The following PDE4D variants were observed in gnomAD, a reference collection of about 807,000 sequenced individuals.
The protein encoded by PDE4D is 3',5'-cyclic-AMP phosphodiesterase 4D.
Under a neutral mutation model 87.4 loss-of-function variants are expected in PDE4D, and 24 were observed. That is an observed-to-expected ratio of 0.27 (90% CI 0.20 to 0.39). PDE4D has a LOEUF of 0.39. Ranked by LOEUF, PDE4D falls within the 10% of genes least tolerant of loss-of-function variation. PDE4D has a pLI of 1.00. For missense variants in PDE4D, 714 were observed against 1,041.0 expected, an observed-to-expected ratio of 0.69 and a Z score of 4.32; for synonymous variants, 384 against 383.2, an observed-to-expected ratio of 1.00 and a Z score of -0.02.
At chr5:59,550,370 A>T (rs994425118) in intron 1 of PDE4D, among the ~76,000 whole-genome samples, 1 of 151,828 alleles carries the variant, frequency 6.6e-6, no homozygotes, top group African/African-American at 2.4e-5. Context: ...CATATTCTTA[A>T]TTTTTTTCTT....
chr5:59,122,217 T>C (rs1007117913), intron 5 of PDE4D, among the ~76,000 whole-genome samples: 4 of 147,448 alleles, frequency 2.7e-5, no homozygotes, highest in Non-Finnish European at 6.0e-5. Context: ...CAATGGAATA[T>C]GATTCAGCCA....
chr5:59,138,291 T>C (rs1777416049), intron 5 of PDE4D, among the ~76,000 whole-genome samples: 1 of 152,190 alleles, frequency 6.6e-6, no homozygotes, highest in Non-Finnish European at 1.5e-5. Flanking sequence ...TTTTCTTTTT[T>C]TGGTTTGTTT....
At chr5:60,211,980 T>C (rs1319363568) in intron 1 of PDE4D, among the ~76,000 whole-genome samples, 1 of 152,226 alleles carries the variant, frequency 6.6e-6, no homozygotes. Context: ...ATCTGTGTTT[T>C]GGAGGCTTCA....
At chr5:60,027,692 T>C (rs1300041237) in intron 2 of PDE4D, among the ~76,000 whole-genome samples, 2 of 152,240 alleles carry the variant, frequency 1.3e-5, no homozygotes, top group Non-Finnish European at 2.9e-5. Flanking sequence ...TGGTGTCTGA[T>C]GCATGCTGGA....
chr5:60,398,275 A>G (rs558641277), intron 1 of PDE4D, among the ~76,000 whole-genome samples: 1 of 152,180 alleles, frequency 6.6e-6, no homozygotes, highest in Non-Finnish European at 1.5e-5. Context: ...CACACAACAC[A>G]TTGGCCAAAT....
At chr5:60,192,738 T>C (rs764848948) in intron 1 of PDE4D, among the ~76,000 whole-genome samples, 3 of 152,078 alleles carry the variant, frequency 2.0e-5, no homozygotes, top group Non-Finnish European at 4.4e-5. Context: ...ATATTAGTAG[T>C]TATATTTAGG....
intron 2 of PDE4D, among the ~76,000 whole-genome samples, chr5:60,007,249 T>G (rs2662431): frequency 6.6e-6 from 1 of 151,998 alleles, no homozygotes; most frequent in Non-Finnish European, 1.5e-5. Flanking sequence ...TGATTTGTTA[T>G]CATGGGTCTT....
intron 5 of PDE4D, among the ~76,000 whole-genome samples, chr5:59,071,382 C>G (rs568508530): frequency 3.8e-4 from 58 of 151,950 alleles, no homozygotes; most frequent in African/African-American, 1.2e-3. Context: ...CTGAACTGGT[C>G]CTCTGATTTC....
intron 1 of PDE4D, among the ~76,000 whole-genome samples, chr5:59,581,624 A>G (rs1232845987): frequency 6.6e-6 from 1 of 152,216 alleles, no homozygotes; most frequent in African/African-American, 2.4e-5. Flanking sequence ...GGCTGCTAGG[A>G]CTAAAGACTA....
intron 1 of PDE4D, among the ~76,000 whole-genome samples, chr5:59,655,127 TC>T (rs1240300337): frequency 6.6e-6 from 1 of 152,128 alleles, no homozygotes; most frequent in Non-Finnish European, 1.5e-5. Context: ...ATGTTTTTTT[TC>T]AACCATTGCC....
At chr5:59,978,203 C>T (rs879438741) in intron 3 of PDE4D, among the ~76,000 whole-genome samples, 3 of 152,098 alleles carry the variant, frequency 2.0e-5, no homozygotes, top group East Asian at 1.9e-4. Context: ...ATAGGGCTAT[C>T]GCTATGATAG....
At chr5:60,398,420 C>A (rs1441156215) in intron 1 of PDE4D, among the ~76,000 whole-genome samples, 1 of 152,190 alleles carries the variant, frequency 6.6e-6, no homozygotes, top group Non-Finnish European at 1.5e-5. Context: ...TTAGGGTTGA[C>A]ATTGATGGAC....
intron 1 of PDE4D, among the ~76,000 whole-genome samples, chr5:60,435,137 C>T (rs191175753): frequency 2.6e-5 from 4 of 151,918 alleles, no homozygotes; most frequent in East Asian, 1.9e-4. Context: ...AATGTAAAAC[C>T]GAACTTGAAA....
At chr5:59,584,268 C>T (rs1210589991) in intron 1 of PDE4D, among the ~76,000 whole-genome samples, 2 of 152,176 alleles carry the variant, frequency 1.3e-5, no homozygotes, top group Non-Finnish European at 1.5e-5. Flanking sequence ...AAGTCAAGAA[C>T]CAAGCACAAA....
At chr5:59,017,044 A>G (rs891200438) in intron 6 of PDE4D, among the ~76,000 whole-genome samples, 3 of 152,178 alleles carry the variant, frequency 2.0e-5, no homozygotes, top group Admixed American at 6.6e-5. Flanking sequence ...TGCCTAGAAT[A>G]AGCCAACCAG....
At chr5:59,992,478 T>C (rs1019697461) in intron 2 of PDE4D, among the ~76,000 whole-genome samples, 2 of 152,182 alleles carry the variant, frequency 1.3e-5, no homozygotes, top group South Asian at 2.1e-4. Flanking sequence ...GACTAATACA[T>C]GTGTAAATAC....
chr5:59,134,575 C>T (rs1776762512), intron 5 of PDE4D, among the ~76,000 whole-genome samples: 1 of 152,100 alleles, frequency 6.6e-6, no homozygotes, highest in South Asian at 2.1e-4. Flanking sequence ...AATATGCCCA[C>T]ATTTTATAGA....
chr5:59,771,522 G>GAA (rs1554081558), intron 1 of PDE4D, among the ~76,000 whole-genome samples: 1 of 145,066 alleles, frequency 6.9e-6, no homozygotes, highest in African/African-American at 2.7e-5. Flanking sequence ...AAGAAAGAAA[G>GAA]AAAGAAAGAA....
intron 1 of PDE4D, among the ~76,000 whole-genome samples, chr5:59,613,965 TA>T (rs983964224): frequency 8.6e-5 from 13 of 152,028 alleles, no homozygotes; most frequent in African/African-American, 2.7e-4. Context: ...GCTCAATTTT[TA>T]AAAAAAACTT....
Sources: gnomAD v4.1 joint callset for allele counts (sites outside exome capture counted in the v4.1 genomes callset) on GRCh38, gnomAD v4.1.1 for gene constraint, MANE v1.5 for transcripts, NCBI Gene and HGNC (gene_info 2026-07-23, HGNC 2026-07-21) for gene names.